Variants in MMP15 observed in about 807,000 individuals in gnomAD.
MMP15 encodes the protein matrix metalloproteinase-15.
In MMP15, 36 loss-of-function variants were observed where a neutral mutation model predicts 65.0. The ratio of observed to expected loss-of-function variants is 0.55; its 90% CI spans 0.42 to 0.73. The LOEUF (loss-of-function observed/expected upper bound fraction) is 0.73, where lower values mean the gene tolerates loss of function less well. MMP15 is among the 30% of genes least tolerant of loss of function. The probability of loss-of-function intolerance (pLI) is 0.00; values close to 1 mark genes in which losing one functional copy is unlikely to be tolerated. For synonymous variants in MMP15, 428 were observed against 410.2 expected, an observed-to-expected ratio of 1.04 and a Z score of -0.52; for missense variants, 870 against 987.8, an observed-to-expected ratio of 0.88 and a Z score of 1.60.
chr16:58,026,557 AG>A, intron 1 of MMP15, 45 bp downstream of exon 1: 1 of 1,285,920 alleles, frequency 7.8e-7, no homozygotes, highest in Non-Finnish European at 9.9e-7. Flanking sequence ...GGGGGCTTGG[AG>A]GGAGAGGCGC....
chr16:58,033,212 C>T (rs935780955), intron 1 of MMP15, among the ~76,000 whole-genome samples: 4 of 152,206 alleles, frequency 2.6e-5, no homozygotes, highest in Admixed American at 2.0e-4. Context: ...GAGGATTAGG[C>T]ACCCTTCCCC....
Position 58,040,182 on chromosome 16 carries a change from G to A in MMP15, c.748G>A (p.Gly250Arg). Residue 250 changes from glycine to arginine, a missense_variant and splice_region_variant, in exon 4 of 10, where the codon GGA (glycine) becomes AGA (arginine). By Grantham distance (125) the Gly-to-Arg change is moderately radical (BLOSUM62 -2). Coordinates refer to ENST00000219271, the MANE Select transcript of MMP15 (RefSeq NM_002428.4). Reference sequence around the variant, plus strand: ...GACCTTCTCCAGCACTGACCTGCATGGTGAGGACAGCTGGCCAGGGTGAGG... The same window carrying A: ...GACCTTCTCCAGCACTGACCTGCATAGTGAGGACAGCTGGCCAGGGTGAGG... ...PWTFSSTDLH[G>R]NNLFLVAVHE... The A allele has an allele frequency of 6.2e-7, 1 of 1,602,742 alleles. No individual in the cohort carries two copies. Among genetic ancestry groups the A allele is most frequent in the South Asian group, 1.1e-5 (1 of 90,712 alleles).
At position 58,040,128 on chromosome 16, in the gene MMP15, G is replaced by C; in HGVS notation, c.694G>C (p.Asp232His). Residue 232 changes from aspartate (D) to histidine (H), a missense_variant, in exon 4 of 10, where the codon GAC (aspartate) becomes CAC (histidine). Coordinates refer to ENST00000219271, the MANE Select transcript of MMP15 (RefSeq NM_002428.4). The stretch of plus-strand genomic sequence containing the variant: ...TTTCCCTGGCCCCGGCCTAGGCGGG[G>C]ACACCCATTTTGACGCAGATGAGCC... The part of the protein sequence containing the change: ...AYFPGPGLGG[D>H]THFDADEPWT... The C allele has an allele frequency of 6.2e-7, 1 of 1,613,598 alleles. No homozygotes were observed. Among genetic ancestry groups the C allele is most frequent in the Non-Finnish European group, 8.5e-7 (1 of 1,180,024 alleles).
chr16:58,026,310 T>C lies in MMP15; in HGVS notation c.-41T>C, dbSNP rs1963813099. On this transcript the variant is annotated 5_prime_UTR_variant, in exon 1 of 10. Coordinates refer to ENST00000219271, the MANE Select transcript of MMP15 (RefSeq NM_002428.4). ...CAAGTTTCCAAGGCGCGTGCGAGGA[T>C]CCGGCGTGCAGTGTTCCGAGCTGGG... is the stretch of plus-strand genomic sequence containing the variant. The C allele has an allele frequency of 8.8e-6, 11 of 1,251,562 alleles. 1 individual carries two copies. In the South Asian group the frequency reaches 9.5e-5, roughly 11 times the overall value. 77.5% of individuals were successfully genotyped at this position (1,251,562 alleles called of 1,614,324 possible). A position where few individuals can be genotyped will look rare whatever the true frequency, so the allele number is the denominator to read the frequency against.
intron 4 of MMP15, 61 bp from the exon 5 acceptor site, chr16:58,040,476 G>A (rs1959429086): frequency 1.9e-6 from 3 of 1,578,722 alleles, no homozygotes; most frequent in Non-Finnish European, 2.6e-6. Flanking sequence ...GAGGGTCCAG[G>A]GTGATTGGGT....
At position 58,041,747 on chromosome 16, in the gene MMP15, C is replaced by T. The variant is rs868664238; in HGVS notation, c.1041C>T (p.Pro347=). 6.2e-7 allele frequency: 1 copy of T among 1,600,014 alleles called. No individual in the cohort carries two copies. The change falls in exon 6 of 10, where the codon CCC becomes CCT. Residue 347 remains proline, a synonymous_variant. Transcript: ENST00000219271. ...PPPPGGKPER[P]PKPGPPVQPR... ...CCCCAGGTGGGAAGCCAGAGCGGCC[C>T]CCAAAGCCGGGCCCCCCAGTCCAGC...
chr16:58,040,344 C>T (rs1349398751), intron 4 of MMP15, among the ~76,000 whole-genome samples, 162 bp downstream of exon 4: 1 of 152,238 alleles, frequency 6.6e-6, no homozygotes, highest in Non-Finnish European at 1.5e-5. Context: ...GTCCCACCAT[C>T]TCCAAGGGGA....
chr16:58,042,677 C>T lies in MMP15; in HGVS notation c.1303+308C>T, dbSNP rs147487572. ...GCCCCATCCTCATAAGAACAGGTGC[C>T]CCCAGCCCACTCCGGGGCCAGATTT... On this transcript the variant is annotated intron_variant, in intron 7 of 9. Transcript: ENST00000219271. 7.2e-3 allele frequency among the ~76,000 whole-genome samples: 1,102 copies of T among 152,314 alleles called. 7 individuals are homozygous for T. The highest frequency in any genetic ancestry group is 0.021 in the South Asian group (102 of 4,826).
chr16:58,043,247 G>A lies in MMP15; in HGVS notation c.1341G>A (p.Glu447=), dbSNP rs1204284520. 6.2e-7 allele frequency: 1 copy of A among 1,601,278 alleles called. No individual in the cohort carries two copies. The highest frequency in any genetic ancestry group is 8.5e-7 in the Non-Finnish European group (1 of 1,173,390). ...GGCTCTTTCGAGAAGCGAACCTGGAGCCCGGCTACCCACAGCCGCTGACCA... is the reference window on the plus strand; with the variant it reads ...GGCTCTTTCGAGAAGCGAACCTGGAACCCGGCTACCCACAGCCGCTGACCA... ...RYWLFREANL[E]PGYPQPLTSY... Residue 447 remains glutamate, a synonymous_variant, in exon 8 of 10, where the codon GAG becomes GAA. Transcript: ENST00000219271.
At chr16:58,035,075 C>A (rs144140024) in intron 1 of MMP15, among the ~76,000 whole-genome samples, 33 of 152,326 alleles carry the variant, frequency 2.2e-4, no homozygotes, top group African/African-American at 7.7e-4. Context: ...CCCCGCCACT[C>A]CCCCGGCCTC....
At chr16:58,033,431 G>A (rs1040260918) in intron 1 of MMP15, among the ~76,000 whole-genome samples, 2 of 152,254 alleles carry the variant, frequency 1.3e-5, no homozygotes, top group African/African-American at 4.8e-5. Flanking sequence ...AGGAGTGGCT[G>A]TGAGCATTCA....
chr16:58,029,301 T>TC (rs1244216536), intron 1 of MMP15, among the ~76,000 whole-genome samples: 2 of 152,212 alleles, frequency 1.3e-5, no homozygotes, highest in Non-Finnish European at 1.5e-5. Context: ...CCATGCTGGC[T>TC]CCGGGGGGGC....
intron 3 of MMP15, 62 bp from the exon 4 acceptor site, chr16:58,039,813 C>T (rs776688227): frequency 3.3e-6 from 5 of 1,513,406 alleles, no homozygotes; most frequent in Middle Eastern, 4.2e-4. Context: ...TGGGAACATG[C>T]CAGCAGAGGA....
Position 58,040,143 on chromosome 16 carries a change from G to T in MMP15, c.709G>T (p.Ala237Ser). ...PGLGGDTHFD[A>S]DEPWTFSSTD... Reference sequence around the variant, plus strand: ...CCTAGGCGGGGACACCCATTTTGACGCAGATGAGCCCTGGACCTTCTCCAG... The same window carrying T: ...CCTAGGCGGGGACACCCATTTTGACTCAGATGAGCCCTGGACCTTCTCCAG... Residue 237 changes from alanine to serine, a missense_variant, in exon 4 of 10, where the codon GCA becomes TCA. Physicochemically the swap from Ala to Ser is moderately conservative, Grantham distance 99 (BLOSUM62 1). Coordinates refer to ENST00000219271, the MANE Select transcript of MMP15 (RefSeq NM_002428.4). The T allele has an allele frequency of 6.2e-7, 1 of 1,613,016 alleles. No individual in the cohort carries two copies. The highest frequency in any genetic ancestry group is 8.5e-7 in the Non-Finnish European group (1 of 1,180,014).
At chr16:58,030,045 C>T (rs1486560667) in intron 1 of MMP15, among the ~76,000 whole-genome samples, 3 of 152,142 alleles carry the variant, frequency 2.0e-5, no homozygotes, top group African/African-American at 7.2e-5. Context: ...ACTATGAGAA[C>T]CACTACTTTC....
chr16:58,045,461 T>A lies in MMP15; in HGVS notation c.*15T>A. ...AGTGGGTCTGACCACCCAGCGCTCC[T>A]GCTAACGGTGCTCAGGGGGCGCCTG... is the stretch of plus-strand genomic sequence containing the variant. On this transcript the variant is annotated 3_prime_UTR_variant, in exon 10 of 10. Coordinates refer to ENST00000219271, the MANE Select transcript of MMP15 (RefSeq NM_002428.4). The A allele has an allele frequency of 6.7e-7, 1 of 1,493,788 alleles. No homozygotes were observed. The highest frequency in any genetic ancestry group is 8.9e-7 in the Non-Finnish European group (1 of 1,120,054). 92.5% of individuals were successfully genotyped at this position (1,493,788 alleles called of 1,614,324 possible). A position where few individuals can be genotyped will look rare whatever the true frequency, so the allele number is the denominator to read the frequency against.
At chr16:58,031,405 C>T (rs1471236293) in intron 1 of MMP15, among the ~76,000 whole-genome samples, 2 of 152,084 alleles carry the variant, frequency 1.3e-5, no homozygotes, top group African/African-American at 4.8e-5. Context: ...CCCAGCCTTG[C>T]CCCCATCTGT....
At position 58,039,942 on chromosome 16, in the gene MMP15, G is replaced by T. The variant is rs535130485; in HGVS notation, c.508G>T (p.Val170Leu). The T allele has an allele frequency of 1.9e-6, 3 of 1,613,314 alleles. No individual in the cohort carries two copies. The highest frequency in any genetic ancestry group is 2.7e-5 in the African/African-American group (2 of 74,948). The change falls in exon 4 of 10, where the codon GTG becomes TTG. Residue 170 changes from valine to leucine, a missense_variant. Coordinates refer to ENST00000219271, the MANE Select transcript of MMP15 (RefSeq NM_002428.4). ...GGAGGCGGTGCGCAGGGCCTTCCGC[G>T]TGTGGGAGCAGGCCACGCCCCTGGT... The part of the protein sequence containing the change: ...SMEAVRRAFR[V>L]WEQATPLVFQ...
Position 58,045,512 on chromosome 16 carries a change from T to TCCCTCCGCCCCCAGGTAGGGGCC in MMP15, c.*69_*91dup. On this transcript the variant is annotated 3_prime_UTR_variant, in exon 10 of 10. Coordinates refer to ENST00000219271, the MANE Select transcript of MMP15 (RefSeq NM_002428.4). Reference sequence around the variant, plus strand: ...TGGTTCTGAGATGGCTCCCAGGGGCTCCCTCCGCCCCCAGGTAGGGGCCCC... The same window carrying TCCCTCCGCCCCCAGGTAGGGGCC: ...TGGTTCTGAGATGGCTCCCAGGGGCTCCCTCCGCCCCCAGGTAGGGGCCCCCTCCGCCCCCAGGTAGGGGCCCC... 1.4e-6 allele frequency: 2 copies of TCCCTCCGCCCCCAGGTAGGGGCC among 1,390,890 alleles called. No individual in the cohort carries two copies. The highest frequency in any genetic ancestry group is 1.5e-5 in the South Asian group (1 of 68,116). 86.2% of individuals were successfully genotyped at this position (1,390,890 alleles called of 1,614,324 possible).
Sources: gnomAD v4.1 joint callset for allele counts (sites outside exome capture counted in the v4.1 genomes callset) on GRCh38, gnomAD v4.1.1 for gene constraint, MANE v1.5 for transcripts, NCBI Gene and HGNC (gene_info 2026-07-23, HGNC 2026-07-21) for gene names.